Variants in NKAIN3 observed in about 807,000 individuals in gnomAD.
The protein encoded by NKAIN3 is sodium/potassium transporting ATPase interacting 3, also known as sodium/potassium-transporting ATPase subunit beta-1-interacting protein 3.
Under a neutral mutation model 30.2 loss-of-function variants are expected in NKAIN3, and 25 were observed. The ratio of observed to expected loss-of-function variants is 0.83; its 90% CI spans 0.60 to 1.16. The LOEUF (loss-of-function observed/expected upper bound fraction) is 1.16, where lower values mean the gene tolerates loss of function less well. NKAIN3 is among the 50% of genes most tolerant of loss of function. The probability of loss-of-function intolerance (pLI) is 0.00; values close to 1 mark genes in which losing one functional copy is unlikely to be tolerated. For missense variants in NKAIN3, 225 were observed against 254.1 expected, an observed-to-expected ratio of 0.89 and a Z score of 0.78; for synonymous variants, 91 against 89.6, an observed-to-expected ratio of 1.02 and a Z score of -0.09.
At chr8:62,710,540 C>G (rs756836354) in intron 3 of NKAIN3, among the ~76,000 whole-genome samples, 23 of 151,936 alleles carry the variant, frequency 1.5e-4, no homozygotes, top group Admixed American at 2.6e-4. Context: ...GAATAGCTAC[C>G]CCTGCTCACT....
At chr8:62,741,186 T>C (rs149017353) in intron 3 of NKAIN3, among the ~76,000 whole-genome samples, 5 of 152,342 alleles carry the variant, frequency 3.3e-5, no homozygotes, top group Middle Eastern at 3.4e-3. Context: ...ACTTTGAGTC[T>C]ATGACGTTAC....
chr8:62,634,028 A>G (rs530310443), intron 3 of NKAIN3, among the ~76,000 whole-genome samples: 2 of 152,288 alleles, frequency 1.3e-5, no homozygotes, highest in African/African-American at 4.8e-5. Flanking sequence ...TGCTCAATTT[A>G]ACTGAAACCA....
chr8:62,593,769 G>A (rs898808553), intron 3 of NKAIN3, among the ~76,000 whole-genome samples: 1 of 152,184 alleles, frequency 6.6e-6, no homozygotes, highest in East Asian at 1.9e-4. Context: ...AAATTTTGGG[G>A]TTAGTAGAAA....
At chr8:62,344,420 G>A (rs1289152949) in intron 1 of NKAIN3, among the ~76,000 whole-genome samples, 1 of 152,024 alleles carries the variant, frequency 6.6e-6, no homozygotes, top group Non-Finnish European at 1.5e-5. Flanking sequence ...ATATTTCAAA[G>A]CTCTATATAC....
At chr8:62,783,049 G>T (rs1345455818) in intron 4 of NKAIN3, among the ~76,000 whole-genome samples, 5 of 151,648 alleles carry the variant, frequency 3.3e-5, no homozygotes, top group Admixed American at 6.6e-5. Flanking sequence ...GTGCATTTTT[G>T]TACCCCACAA....
At chr8:62,260,115 G>A (rs1812387857) in intron 1 of NKAIN3, among the ~76,000 whole-genome samples, 1 of 152,154 alleles carries the variant, frequency 6.6e-6, no homozygotes, top group South Asian at 2.1e-4. Context: ...AGAGATATGA[G>A]CTCAACAGGG....
Position 62,731,663 on chromosome 8 carries a change from T to C in NKAIN3, c.274-15269T>C, listed in dbSNP as rs570789554. Among the ~76,000 whole-genome samples, 4 of 152,100 alleles carry C rather than the reference T, an allele frequency of 2.6e-5. No individual in the cohort carries two copies. The South Asian group carries it at 6.2e-4, about 24-fold the overall frequency. ...GGCCACAGCTGACTGACTGACATAA[T>C]AGTACAAAAAGTTAGCCCCCGAAAC... On this transcript the variant is annotated intron_variant, in intron 3 of 6. Coordinates refer to ENST00000623646, the MANE Select transcript of NKAIN3 (RefSeq NM_001304533.3).
In NKAIN3 at chr8:62,275,582, T is replaced by C. The variant is rs530215755; in HGVS notation, c.54+26455T>C. On this transcript the variant is annotated intron_variant, in intron 1 of 6. Coordinates refer to ENST00000623646, the MANE Select transcript of NKAIN3 (RefSeq NM_001304533.3). ...CCTTTTCTAGTTTAAAGACCAGCTT[T>C]TATGACCAACTAAGAATAAATTTAA... Among the ~76,000 whole-genome samples, 121 of 152,332 alleles carry C rather than the reference T, an allele frequency of 7.9e-4. 1 individual carries two copies. Among genetic ancestry groups the C allele is most frequent in the African/African-American group, 2.8e-3 (115 of 41,594 alleles).
chr8:62,390,915 TAA>T (rs1014809237), intron 1 of NKAIN3, among the ~76,000 whole-genome samples: 14 of 152,344 alleles, frequency 9.2e-5, no homozygotes, highest in African/African-American at 3.4e-4. Context: ...GTAAATTTGT[TAA>T]GTTTCTTACA....
intron 6 of NKAIN3, among the ~76,000 whole-genome samples, chr8:62,957,585 T>C (rs1197954797): frequency 6.6e-6 from 1 of 152,132 alleles, no homozygotes; most frequent in Non-Finnish European, 1.5e-5. Flanking sequence ...TGGAGGAGCA[T>C]TAAATGCATG....
At chr8:62,681,545 G>A (rs565344777) in intron 3 of NKAIN3, among the ~76,000 whole-genome samples, 3 of 152,242 alleles carry the variant, frequency 2.0e-5, no homozygotes, top group Admixed American at 6.5e-5. Context: ...AAACCAGACC[G>A]TGTGGCCATT....
intron 1 of NKAIN3, among the ~76,000 whole-genome samples, chr8:62,257,273 C>A (rs958675381): frequency 6.6e-6 from 1 of 152,202 alleles, no homozygotes; most frequent in Non-Finnish European, 1.5e-5. Flanking sequence ...TTCTGCAATT[C>A]TCATGACTTA....
At chr8:62,602,087 G>A (rs1019420680) in intron 3 of NKAIN3, among the ~76,000 whole-genome samples, 3 of 151,948 alleles carry the variant, frequency 2.0e-5, no homozygotes, top group African/African-American at 7.2e-5. Flanking sequence ...ATAAGCCAAC[G>A]ACATATATAA....
intron 4 of NKAIN3, among the ~76,000 whole-genome samples, chr8:62,882,316 TATTTA>T (rs1428332196): frequency 6.6e-6 from 1 of 152,124 alleles, no homozygotes; most frequent in Non-Finnish European, 1.5e-5. Flanking sequence ...ATTTATTTAT[TATTTA>T]ATTTTTTAGT....
intron 3 of NKAIN3, among the ~76,000 whole-genome samples, chr8:62,706,754 G>C (rs536186482): frequency 6.6e-6 from 1 of 151,984 alleles, no homozygotes; most frequent in East Asian, 1.9e-4. Flanking sequence ...TTCTTTAGTG[G>C]TGATTTGTGA....
intron 3 of NKAIN3, among the ~76,000 whole-genome samples, chr8:62,652,304 A>G (rs143985062): frequency 2.6e-5 from 4 of 152,280 alleles, no homozygotes; most frequent in African/African-American, 9.6e-5. Context: ...TATTATCTCA[A>G]TAACTTTTGG....
intron 1 of NKAIN3, among the ~76,000 whole-genome samples, chr8:62,462,020 G>T (rs902775123): frequency 1.3e-5 from 2 of 152,066 alleles, no homozygotes. Flanking sequence ...AAATTATAAT[G>T]GACACATTAT....
At chr8:62,667,977 C>G (rs1457204351) in intron 3 of NKAIN3, among the ~76,000 whole-genome samples, 5 of 152,084 alleles carry the variant, frequency 3.3e-5, no homozygotes. Context: ...TTCCTTCTGC[C>G]CCCGCATCTC....
chr8:62,278,919 G>T (rs1455637331), intron 1 of NKAIN3, among the ~76,000 whole-genome samples: 2 of 152,152 alleles, frequency 1.3e-5, no homozygotes, highest in African/African-American at 4.8e-5. Flanking sequence ...GGGTCAAATG[G>T]TATTTCTAGT....
Sources: allele counts gnomAD v4.1 joint callset (sites outside exome capture counted in the v4.1 genomes callset), GRCh38; gene constraint gnomAD v4.1.1; transcripts MANE v1.5; gene names NCBI Gene and HGNC (gene_info 2026-07-23, HGNC 2026-07-21).